Variants in ADCK2 observed in about 807,000 individuals in gnomAD.
ADCK2 encodes the protein aarF domain containing kinase 2.
Under a neutral mutation model 52.3 loss-of-function variants are expected in ADCK2, and 37 were observed. The observed-to-expected ratio is 0.71, with a 90% confidence interval of 0.54 to 0.93. The LOEUF is 0.93. ADCK2 is among the 40% of genes least tolerant of loss of function. ADCK2 has a pLI of 0.00. For missense variants in ADCK2, 695 were observed against 798.7 expected (o/e 0.87, Z 1.56); for synonymous variants, 321 against 349.2 (o/e 0.92, Z 0.90).
chr7:140,683,821 C>T (rs780595197), intron 4 of ADCK2, among the ~76,000 whole-genome samples: 1 of 152,170 alleles, frequency 6.6e-6, no homozygotes, highest in Non-Finnish European at 1.5e-5. Context: ...AGTGCAGGGA[C>T]AGCCGTCCCC....
At chr7:140,694,611 C>T in intron 7 of ADCK2, 52 bp from the exon 8 acceptor site, 24 of 1,560,696 alleles carry the variant, frequency 1.5e-5, no homozygotes, top group East Asian at 4.5e-5. Context: ...CCAGAACACA[C>T]GTCCCTGTAT....
rs368241644 is a variant in ADCK2 at position 140,691,809 on chromosome 7, G to A, written c.1740+996G>A. Reference sequence around the variant, plus strand: ...CTTCCAAGAGGCAGGCACCAAAGCCGAGAGGCCGAGCAGCTCACCTGTGGC... The same window carrying A: ...CTTCCAAGAGGCAGGCACCAAAGCCAAGAGGCCGAGCAGCTCACCTGTGGC... On this transcript the variant is annotated intron_variant, in intron 7 of 7. Coordinates refer to ENST00000072869, the MANE Select transcript of ADCK2 (RefSeq NM_052853.4). Among the ~76,000 whole-genome samples, 19 of 149,006 alleles carry A rather than the reference G, an allele frequency of 1.3e-4. No homozygotes were observed. In the East Asian group the frequency reaches 3.0e-3, roughly 24 times the overall value.
At chr7:140,679,662 C>CTTTTTTT (rs57302302) in intron 3 of ADCK2, among the ~76,000 whole-genome samples, 2 of 75,314 alleles carry the variant, frequency 2.7e-5, no homozygotes, top group East Asian at 3.1e-4. Flanking sequence ...CCTTCTCTCT[C>CTTTTTTT]TTTTTTTTTT....
chr7:140,683,118 T>C (rs973741045), intron 4 of ADCK2, among the ~76,000 whole-genome samples: 8 of 150,372 alleles, frequency 5.3e-5, no homozygotes, highest in African/African-American at 2.0e-4. Context: ...CTGGCCAACA[T>C]GGTGAAACCC....
rs573670043 is a variant in ADCK2, at chr7:140,691,192, C to CT, written c.1740+380dup. Among the ~76,000 whole-genome samples, 118 of 152,284 alleles carry CT rather than the reference C, an allele frequency of 7.7e-4. 1 individual carries two copies. The highest frequency in any genetic ancestry group is 1.2e-3 in the Non-Finnish European group (82 of 68,028). On this transcript the variant is annotated intron_variant, in intron 7 of 7. Coordinates refer to ENST00000072869, the MANE Select transcript of ADCK2 (RefSeq NM_052853.4). ...CCACCCTTCTCGGCCTCCCAAAGTG[C>CT]TGGGATTACAGGCGTGAGCCACTGT...
intron 5 of ADCK2, among the ~76,000 whole-genome samples, chr7:140,689,144 T>A (rs1183484118): frequency 6.6e-6 from 1 of 151,904 alleles, no homozygotes; most frequent in East Asian, 1.9e-4. Flanking sequence ...ATTTTTGTAT[T>A]TTTAGTAGAG....
chr7:140,677,021 T>TCAAA (rs113170613), intron 2 of ADCK2, among the ~76,000 whole-genome samples: 22,733 of 149,994 alleles, frequency 0.15, 2,587 homozygotes, highest in African/African-American at 0.32. Flanking sequence ...AGATCCCATC[T>TCAAA]CAAACAAACA....
chr7:140,684,520 C>A (rs577148024), intron 4 of ADCK2, among the ~76,000 whole-genome samples: 5 of 151,998 alleles, frequency 3.3e-5, no homozygotes, highest in African/African-American at 1.2e-4. Flanking sequence ...GGGGTCGAGG[C>A]GGATAGGGAA....
chr7:140,673,397 C>T lies in ADCK2; in HGVS notation c.67C>T (p.Gln23Ter). 1 of 1,576,032 alleles carries T rather than the reference C, an allele frequency of 6.3e-7. No individual in the cohort carries two copies. ...GCACCTGAGGTGCTTCGAGCTCAGA[C>T]AGGGACTCAGCCTCCTGAGGCCCTC... ...LSHLRCFELR[Q>*]GLSLLRPSEC... The change falls in exon 1 of 8, where the codon CAG becomes TAG. Residue 23 changes from glutamine (Q) to a stop codon, truncating the protein, a stop_gained. Coordinates refer to ENST00000072869, the MANE Select transcript of ADCK2 (RefSeq NM_052853.4). LOFTEE classifies it high-confidence loss of function. The surrounding 1 kb of genome is among the most constrained non-coding windows in gnomAD (Gnocchi z 6.4).
Position 140,673,509 on chromosome 7 carries a change from G to T in ADCK2, c.179G>T (p.Gly60Val). Residue 60 changes from glycine (G) to valine (V), a missense_variant, in exon 1 of 8, where the codon GGG becomes GTG. By Grantham distance (109) the Gly-to-Val change is moderately radical. Transcript: ENST00000072869. This position sits in a 1 kb window ranked among gnomAD's most constrained non-coding sequence, Gnocchi z 6.4. ...VVSLCGDVGEGAPDVLSRRRV... is the reference protein window; with the variant it reads ...VVSLCGDVGEVAPDVLSRRRV... ...TCCCTGTGCGGGGACGTGGGTGAGG[G>T]GGCCCCTGACGTTCTGAGTCGGCGA... 6.2e-7 allele frequency: 1 copy of T among 1,601,792 alleles called. No homozygotes were observed. The highest frequency in any genetic ancestry group is 1.7e-4 in the Middle Eastern group (1 of 6,036).
intron 4 of ADCK2, among the ~76,000 whole-genome samples, chr7:140,683,336 A>C (rs781559745): frequency 1.3e-4 from 20 of 152,188 alleles, no homozygotes; most frequent in African/African-American, 3.1e-4. Flanking sequence ...TTTTATGCTG[A>C]GGAATGCCCT....
At chr7:140,689,033 T>C (rs974077846) in intron 5 of ADCK2, among the ~76,000 whole-genome samples, 1 of 151,912 alleles carries the variant, frequency 6.6e-6, no homozygotes, top group Non-Finnish European at 1.5e-5. Context: ...AGTGGTACGA[T>C]CTCAGCTCAC....
At chr7:140,689,550 G>T (rs767792806) in intron 5 of ADCK2, 47 bp from the exon 6 acceptor site, 2 of 1,541,370 alleles carry the variant, frequency 1.3e-6, no homozygotes, top group African/African-American at 1.4e-5. Flanking sequence ...CCGCATCCAG[G>T]TTTATGCTAG....
At position 140,679,190 on chromosome 7, in the gene ADCK2, C is replaced by T. The variant is rs1794473119; in HGVS notation, c.1116C>T (p.His372=). 3 of 1,614,136 alleles carry T rather than the reference C, an allele frequency of 1.9e-6. No individual in the cohort carries two copies. Among genetic ancestry groups the T allele is most frequent in the Non-Finnish European group, 2.5e-6 (3 of 1,179,984 alleles). Residue 372 remains histidine (H), a synonymous_variant, in exon 3 of 8, where the codon CAC becomes CAT. Transcript: ENST00000072869. The stretch of plus-strand genomic sequence containing the variant: ...GTTACGAAGCTCAGAATCTAGAACA[C>T]TTCCAGGTCAACTTCCGGAATGTGA... The part of the protein sequence containing the change: ...DLRYEAQNLE[H]FQVNFRNVKA...
Position 140,681,070 on chromosome 7 carries a change from A to C in ADCK2, c.1238A>C (p.Gln413Pro), listed in dbSNP as rs1296903663. 6.2e-7 allele frequency: 1 copy of C among 1,614,160 alleles called. No individual in the cohort carries two copies. The highest frequency in any genetic ancestry group is 2.2e-5 in the East Asian group (1 of 44,876). The change falls in exon 4 of 8, where the codon CAG (glutamine) becomes CCG (proline). Residue 413 changes from glutamine (Q) to proline (P), a missense_variant. Transcript: ENST00000072869. Reference protein sequence around the residue: ...EESVPVSSYQQAGIPVDLKRK... With the variant: ...EESVPVSSYQPAGIPVDLKRK... ...AGTGTGCCTGTGTCCAGTTACCAGC[A>C]GGCAGGAATTCCCGTGGACTTGAAA...
chr7:140,685,080 T>G (rs778637069), intron 4 of ADCK2, among the ~76,000 whole-genome samples: 1 of 143,810 alleles, frequency 7.0e-6, no homozygotes, highest in East Asian at 2.0e-4. Flanking sequence ...TTCAGAAACT[T>G]AAAAAAAAAA....
chr7:140,680,038 A>G (rs192362723), intron 3 of ADCK2, among the ~76,000 whole-genome samples: 1 of 152,282 alleles, frequency 6.6e-6, no homozygotes, highest in Admixed American at 6.5e-5. Context: ...CATGAACCAC[A>G]CAGTGTTTCT....
At position 140,695,058 on chromosome 7, in the gene ADCK2, C is replaced by T; in HGVS notation, c.*255C>T. On this transcript the variant is annotated 3_prime_UTR_variant, in exon 8 of 8. Coordinates refer to ENST00000072869, the MANE Select transcript of ADCK2 (RefSeq NM_052853.4). ...CTGGGCCAGGTGCCAGGGACACTCT[C>T]CTTCAGGGAAAATGTTATGTGGAGG... 4 of 1,226,470 alleles carry T rather than the reference C, an allele frequency of 3.3e-6. No homozygotes were observed. The highest frequency in any genetic ancestry group is 3.0e-6 in the Non-Finnish European group (3 of 983,880). 76.0% of individuals were successfully genotyped at this position (1,226,470 alleles called of 1,614,324 possible).
chr7:140,679,072 G>T, intron 2 of ADCK2, 83 bp from the exon 3 acceptor site: 1 of 1,532,422 alleles, frequency 6.5e-7, no homozygotes, highest in South Asian at 1.2e-5. Context: ...TGGATCTCAT[G>T]ACTTGCTAGC....
Sources: allele counts gnomAD v4.1 joint callset (sites outside exome capture counted in the v4.1 genomes callset), GRCh38; gene constraint gnomAD v4.1.1; non-coding constraint Gnocchi (gnomAD v3.1); transcripts MANE v1.5; gene names NCBI Gene and HGNC (gene_info 2026-07-23, HGNC 2026-07-21).